The following RABL2A variants were observed in gnomAD, a reference collection of about 807,000 sequenced individuals.
The protein encoded by RABL2A is RAB, member of RAS oncogene family like 2A, also known as rab-like protein 2A.
A neutral mutation model predicts 30.7 loss-of-function variants in RABL2A; 17 were observed. The observed-to-expected ratio is 0.55, with a 90% CI of 0.38 to 0.83. The LOEUF (loss-of-function observed/expected upper bound fraction) is 0.83. Ranked by LOEUF, RABL2A falls within the 40% of genes least tolerant of loss-of-function variation. The pLI is 0.00. For synonymous variants in RABL2A, 64 were observed against 101.8 expected (o/e 0.63, Z 2.24); for missense variants, 155 against 272.6 (o/e 0.57, Z 3.04).
chr2:113,635,328 G>A (rs56072816), intron 5 of RABL2A, 198 bp downstream of exon 5: 185,836 of 596,126 alleles, frequency 0.31, 31,490 homozygotes, highest in Middle Eastern at 0.44. Flanking sequence ...CTCTGTAGGC[G>A]GGGATGGGTG....
At chr2:113,636,314 C>A (rs1469173369) in intron 5 of RABL2A, among the ~76,000 whole-genome samples, 3 of 151,926 alleles carry the variant, frequency 2.0e-5, no homozygotes, top group Non-Finnish European at 4.4e-5. Flanking sequence ...GATCGGGAAT[C>A]CATGTCTGAA....
intron 5 of RABL2A, chr2:113,638,328 C>A (rs561181414): frequency 2.0e-5 from 20 of 985,448 alleles, no homozygotes; most frequent in Middle Eastern, 5.2e-4. Flanking sequence ...TGAGCTTGAA[C>A]CATGTTGCTT....
chr2:113,630,330 C>T (rs1964835), intron 2 of RABL2A, among the ~76,000 whole-genome samples: 52,729 of 152,078 alleles, frequency 0.35, 10,327 homozygotes, highest in African/African-American at 0.54. Flanking sequence ...GACTCAAGAA[C>T]TACTGCCAAT....
Position 113,632,706 on chromosome 2 carries a change from A to G in RABL2A, c.108-209A>G, listed in dbSNP as rs1333915810. On this transcript the variant is annotated intron_variant, in intron 2 of 8. Coordinates refer to ENST00000683472, the MANE Select transcript of RABL2A (RefSeq NM_001306158.2). Reference sequence around the variant, plus strand: ...GAGCTTCACGTGGGCTGGTGTGTGTACTCATAGTGACATGAGCTGTTTTGT... The same window carrying G: ...GAGCTTCACGTGGGCTGGTGTGTGTGCTCATAGTGACATGAGCTGTTTTGT... Among the ~76,000 whole-genome samples the G allele has an allele frequency of 7.2e-5, 11 of 152,256 alleles. 1 individual carries two copies. The highest frequency in any genetic ancestry group is 2.4e-4 in the African/African-American group (10 of 41,544).
chr2:113,632,900 C>G lies in RABL2A; in HGVS notation c.108-15C>G. ...TGGAGACGCCATCTGACCACCTTGC[C>G]TGTTCTGCTTACAGACTCATGGAGA... On this transcript the variant is annotated splice_polypyrimidine_tract_variant and intron_variant, in intron 2 of 8. Coordinates refer to ENST00000683472, the MANE Select transcript of RABL2A (RefSeq NM_001306158.2). 1 of 1,614,188 alleles carries G rather than the reference C, an allele frequency of 6.2e-7. No individual in the cohort carries two copies. The highest frequency in any genetic ancestry group is 8.5e-7 in the Non-Finnish European group (1 of 1,180,030).
intron 2 of RABL2A, among the ~76,000 whole-genome samples, chr2:113,629,405 C>T (rs955394136): frequency 6.6e-6 from 1 of 152,214 alleles, no homozygotes; most frequent in African/African-American, 2.4e-5. Context: ...AGTCCTTTGA[C>T]TCAGGTAGCT....
At chr2:113,640,705 C>G in intron 5 of RABL2A, 189 bp from the exon 6 acceptor site, 1 of 659,602 alleles carries the variant, frequency 1.5e-6, no homozygotes, top group Non-Finnish European at 2.6e-6. Context: ...AACATTTTCG[C>G]ATCTGGAGGC....
chr2:113,634,077 T>C, intron 3 of RABL2A, 76 bp from the exon 4 acceptor site: 1 of 1,539,356 alleles, frequency 6.5e-7, no homozygotes, highest in Non-Finnish European at 8.8e-7. Context: ...ATCCATTTCA[T>C]CAAACCAAAC....
intron 2 of RABL2A, among the ~76,000 whole-genome samples, chr2:113,630,484 A>AT (rs1321003534): frequency 2.0e-5 from 3 of 152,200 alleles, no homozygotes; most frequent in Non-Finnish European, 4.4e-5. Context: ...CAAAAAAAAA[A>AT]GTTAACACTT....
At position 113,642,169 on chromosome 2, in the gene RABL2A, C is replaced by T. The variant is rs756469680; in HGVS notation, c.*40C>T. The T allele has an allele frequency of 2.5e-6, 4 of 1,570,948 alleles. No homozygotes were observed. Among genetic ancestry groups the T allele is most frequent in the Middle Eastern group, 1.7e-4 (1 of 5,844 alleles). On this transcript the variant is annotated 3_prime_UTR_variant, in exon 9 of 9. Transcript: ENST00000683472. ...GGGTGGGTGGAGCCCTTTTAAAATA[C>T]CCTTCCCTTCAACAACTCTCCAGCT...
intron 5 of RABL2A, chr2:113,638,029 G>A: frequency 1.0e-6 from 1 of 985,406 alleles, no homozygotes; most frequent in Non-Finnish European, 1.2e-6. Flanking sequence ...TTGAAACCTT[G>A]AGATGGGGAT....
Position 113,637,667 on chromosome 2 carries a change from T to C in RABL2A, c.297+2537T>C, listed in dbSNP as rs1264947572. On this transcript the variant is annotated intron_variant, in intron 5 of 8. Coordinates refer to ENST00000683472, the MANE Select transcript of RABL2A (RefSeq NM_001306158.2). ...ACTGTTAAGGTACTAAACAAGAGGATAATGGGGCAAGGAAAATGGGGGCAG... is the reference window on the plus strand; with the variant it reads ...ACTGTTAAGGTACTAAACAAGAGGACAATGGGGCAAGGAAAATGGGGGCAG... The C allele has an allele frequency of 8.6e-6, 11 of 1,285,226 alleles. No homozygotes were observed. The Admixed American group carries it at 2.6e-4, about 31-fold the overall frequency. The allele number at this position is 1,285,226 out of a possible 1,614,324, so 79.6% of individuals were successfully genotyped here.
chr2:113,637,670 T>C, intron 5 of RABL2A: 5 of 1,284,920 alleles, frequency 3.9e-6, no homozygotes, highest in Non-Finnish European at 5.1e-6. Context: ...AAGAGGATAA[T>C]GGGGCAAGGA....
intron 3 of RABL2A, chr2:113,633,951 C>T: frequency 8.3e-7 from 1 of 1,202,510 alleles, no homozygotes; most frequent in Non-Finnish European, 1.1e-6. Context: ...CTCATCTCCT[C>T]CCACCCCTCA....
chr2:113,628,747 C>T (rs1346282404), intron 2 of RABL2A, 34 bp downstream of exon 2: 1 of 1,288,700 alleles, frequency 7.8e-7, no homozygotes, highest in Admixed American at 2.1e-5. Flanking sequence ...AATACCAGCC[C>T]CAGAGAGGGT....
intron 5 of RABL2A, chr2:113,635,504 T>C: frequency 2.8e-6 from 1 of 359,064 alleles, no homozygotes; most frequent in Non-Finnish European, 5.4e-6. Context: ...AGGGGGCACA[T>C]GCTGGGACTG....
rs569664394 is a variant in RABL2A at position 113,633,719 on chromosome 2, T to C, written c.138-434T>C. The stretch of plus-strand genomic sequence containing the variant: ...CACACATAGACAGACTCCAAATTGA[T>C]TGACAGCTTGTCAACTGTATGGCTT... On this transcript the variant is annotated intron_variant, in intron 3 of 8. Transcript: ENST00000683472. 72 of 219,424 alleles carry C rather than the reference T, an allele frequency of 3.3e-4. 1 individual carries two copies. The highest frequency in any genetic ancestry group is 5.4e-4 in the Non-Finnish European group (58 of 107,136). 13.6% of individuals were successfully genotyped at this position (219,424 alleles called of 1,614,324 possible).
chr2:113,637,417 C>G (rs1056386278), intron 5 of RABL2A: 2 of 1,078,784 alleles, frequency 1.9e-6, no homozygotes, highest in African/African-American at 3.2e-5. Context: ...GTCTGTGATG[C>G]ACGTGTGCAG....
At chr2:113,633,627 A>G (rs1285082514) in intron 3 of RABL2A, 1 of 191,560 alleles carries the variant, frequency 5.2e-6, no homozygotes, top group East Asian at 1.2e-4. Flanking sequence ...TGCTTTTTAC[A>G]CTGTCCAGCT....
Sources: gnomAD v4.1 joint callset for allele counts (sites outside exome capture counted in the v4.1 genomes callset) on GRCh38, gnomAD v4.1.1 for gene constraint, MANE v1.5 for transcripts, NCBI Gene and HGNC (gene_info 2026-07-23, HGNC 2026-07-21) for gene names.